EPHB1: variants seen among roughly 807,000 people sequenced by gnomAD.
EPHB1 encodes the protein ephrin type-B receptor 1.
Under a neutral mutation model 94.4 loss-of-function variants are expected in EPHB1, and 30 were observed. The ratio of observed to expected loss-of-function variants is 0.32; its 90% CI spans 0.24 to 0.43. The LOEUF is 0.43. EPHB1 is among the 20% of genes least tolerant of loss of function. The pLI is 1.00. For synonymous variants in EPHB1, 522 were observed against 489.1 expected (o/e 1.07, Z -0.89); for missense variants, 1,055 against 1,308.3 (o/e 0.81, Z 2.99).
chr3:134,962,171 G>T (rs565128079), intron 3 of EPHB1, among the ~76,000 whole-genome samples: 1 of 152,054 alleles, frequency 6.6e-6, no homozygotes, highest in South Asian at 2.1e-4. Context: ...TATCTTTGCC[G>T]ATCTGAGAGG....
At chr3:134,906,065 T>C (rs2038318036) in intron 1 of EPHB1, among the ~76,000 whole-genome samples, 1 of 152,200 alleles carries the variant, frequency 6.6e-6, no homozygotes, top group South Asian at 2.1e-4. Flanking sequence ...TGCGATCCCA[T>C]TGATGTGCCA....
intron 12 of EPHB1, among the ~76,000 whole-genome samples, chr3:135,228,808 A>G (rs1206324290): frequency 6.6e-6 from 1 of 152,048 alleles, no homozygotes; most frequent in African/African-American, 2.4e-5. Flanking sequence ...ACACAAGCCA[A>G]TCCTTTTGTT....
intron 4 of EPHB1, among the ~76,000 whole-genome samples, chr3:135,126,552 A>T (rs1002402218): frequency 1.3e-5 from 2 of 152,226 alleles, no homozygotes; most frequent in Non-Finnish European, 2.9e-5. Context: ...AACTGGACCC[A>T]TTCTGGAGAC....
At position 135,166,850 on chromosome 3, in the gene EPHB1, G is replaced by A. The variant is rs555330353; in HGVS notation, c.1695-92G>A. ...TAATCCTGGGAGATGCCCCGGGTGA[G>A]CCCCTATCTGGCCTGGGGCCTAGAT... is the stretch of plus-strand genomic sequence containing the variant. On this transcript the variant is annotated intron_variant, in intron 8 of 15. Coordinates refer to ENST00000398015, the MANE Select transcript of EPHB1 (RefSeq NM_004441.5). The A allele has an allele frequency of 1.0e-5, 14 of 1,345,184 alleles. No individual in the cohort carries two copies. The East Asian group carries it at 2.6e-4, about 25-fold the overall frequency. The allele number at this position is 1,345,184 out of a possible 1,614,324, so 83.3% of individuals were successfully genotyped here.
intron 3 of EPHB1, among the ~76,000 whole-genome samples, chr3:135,054,046 C>T (rs1163334292): frequency 0.016 from 2,164 of 138,484 alleles, 59 homozygotes; most frequent in African/African-American, 0.063. Context: ...TATATACACA[C>T]ACACACACAC....
chr3:135,063,328 T>G (rs910240605), intron 3 of EPHB1, among the ~76,000 whole-genome samples: 1 of 152,220 alleles, frequency 6.6e-6, no homozygotes, highest in Non-Finnish European at 1.5e-5. Flanking sequence ...GCATGGGATG[T>G]GTTTCCATTT....
At chr3:134,902,308 C>G (rs1470444491) in intron 1 of EPHB1, among the ~76,000 whole-genome samples, 1 of 152,044 alleles carries the variant, frequency 6.6e-6, no homozygotes, top group Non-Finnish European at 1.5e-5. Flanking sequence ...AGAGGGGAGC[C>G]AGGAGTCCAG....
At chr3:134,801,329 C>T (rs1036737496) in intron 1 of EPHB1, among the ~76,000 whole-genome samples, 5 of 152,154 alleles carry the variant, frequency 3.3e-5, no homozygotes, top group Admixed American at 3.3e-4. Context: ...CCTCTCTCTG[C>T]CCTGACCAGC....
chr3:134,960,956 C>T (rs919746029), intron 3 of EPHB1, among the ~76,000 whole-genome samples: 1 of 152,166 alleles, frequency 6.6e-6, no homozygotes, highest in African/African-American at 2.4e-5. Context: ...GAGCTGGAGT[C>T]ACTGGGTCTT....
chr3:134,953,576 C>A (rs192260), intron 3 of EPHB1, among the ~76,000 whole-genome samples: 1 of 152,226 alleles, frequency 6.6e-6, no homozygotes, highest in African/African-American at 2.4e-5. Context: ...AGGCTGAGTT[C>A]TTAAAGGCAC....
intron 12 of EPHB1, among the ~76,000 whole-genome samples, chr3:135,230,379 A>C (rs970222099): frequency 2.6e-5 from 4 of 152,002 alleles, no homozygotes; most frequent in African/African-American, 7.3e-5. Flanking sequence ...CTCTCTGTTC[A>C]TTATCAGTAC....
At chr3:135,082,141 AC>A (rs1422051816) in intron 3 of EPHB1, among the ~76,000 whole-genome samples, 2 of 152,110 alleles carry the variant, frequency 1.3e-5, no homozygotes, top group East Asian at 1.9e-4. Flanking sequence ...GATAGAAGAG[AC>A]TGGGGAAGCC....
At chr3:135,124,931 C>T (rs1211054987) in intron 4 of EPHB1, among the ~76,000 whole-genome samples, 1 of 151,642 alleles carries the variant, frequency 6.6e-6, no homozygotes, top group Non-Finnish European at 1.5e-5. Flanking sequence ...TAGCCAGCAC[C>T]TGCTGCTTTG....
Position 135,221,918 on chromosome 3 carries a change from G to T in EPHB1, c.2347-19230G>T, listed in dbSNP as rs1342769447. 2.6e-5 allele frequency among the ~76,000 whole-genome samples: 4 copies of T among 152,092 alleles called. No homozygotes were observed. The East Asian group carries it at 7.7e-4, about 29-fold the overall frequency. On this transcript the variant is annotated intron_variant, in intron 12 of 15. Transcript: ENST00000398015. ...GTAAAATACTTTTACTTGATTTAGG[G>T]GGGAAATTATTTCAAGAATACATGA...
chr3:135,183,026 T>TTTTCTTTTCTTTTCTTTTCTTTTCTTTC (rs1553745483), intron 10 of EPHB1, among the ~76,000 whole-genome samples: 40 of 94,618 alleles, frequency 4.2e-4, no homozygotes, highest in Middle Eastern at 6.2e-3. Flanking sequence ...TTTTCTTTTC[T>TTTTCTTTTCTTTTCTTTTCTTTTCTTTC]TTTCTTTCTT....
At chr3:134,878,098 C>T in intron 1 of EPHB1, among the ~76,000 whole-genome samples, 1 of 152,214 alleles carries the variant, frequency 6.6e-6, no homozygotes, top group East Asian at 1.9e-4. Flanking sequence ...ACAGGTTTTC[C>T]AACCCCAGCT....
At chr3:135,129,752 G>A (rs141548918) in intron 4 of EPHB1, among the ~76,000 whole-genome samples, 130 of 152,340 alleles carry the variant, frequency 8.5e-4, no homozygotes, top group Non-Finnish European at 1.5e-3. Flanking sequence ...TGGGCCTCAG[G>A]GAAGGGTCCT....
chr3:134,879,482 C>CA (rs1177214449), intron 1 of EPHB1, among the ~76,000 whole-genome samples: 1 of 151,710 alleles, frequency 6.6e-6, no homozygotes, highest in East Asian at 1.9e-4. Context: ...ACTAAAAATA[C>CA]AAAAAAATAA....
chr3:134,797,810 C>T (rs906944523), intron 1 of EPHB1, among the ~76,000 whole-genome samples: 1 of 152,148 alleles, frequency 6.6e-6, no homozygotes, highest in African/African-American at 2.4e-5. Flanking sequence ...ACTCTGTGGG[C>T]TGAAAATCTC....
Sources: gnomAD v4.1 joint callset for allele counts (sites outside exome capture counted in the v4.1 genomes callset) on GRCh38, gnomAD v4.1.1 for gene constraint, MANE v1.5 for transcripts, NCBI Gene and HGNC (gene_info 2026-07-23, HGNC 2026-07-21) for gene names.